Variants in COL6A1 observed in about 807,000 individuals in gnomAD.
COL6A1 encodes the protein collagen alpha-1(VI) chain.
A neutral mutation model predicts 145.6 loss-of-function variants in COL6A1; 80 were observed. The ratio of observed to expected loss-of-function variants is 0.55; its 90% CI spans 0.46 to 0.66. The LOEUF (loss-of-function observed/expected upper bound fraction) is 0.66. Among genes scored for constraint, COL6A1 ranks in the 30% least tolerant of loss-of-function variants. COL6A1 has a pLI of 0.00. For synonymous variants in COL6A1, 638 were observed against 622.8 expected, an observed-to-expected ratio of 1.02 and a Z score of -0.36; for missense variants, 1,364 against 1,473.8, an observed-to-expected ratio of 0.93 and a Z score of 1.22.
At chr21:45,997,179 G>A (rs546713446) in intron 20 of COL6A1, among the ~76,000 whole-genome samples, 2 of 129,326 alleles carry the variant, frequency 1.5e-5, no homozygotes, top group African/African-American at 2.7e-5. Flanking sequence ...TCACCCCTCC[G>A]TGGGGGCCTG....
intron 27 of COL6A1, 99 bp downstream of exon 27, chr21:45,999,791 A>T: frequency 1.5e-6 from 1 of 689,436 alleles, no homozygotes; most frequent in East Asian, 4.4e-5. Context: ...GACGCTGCTC[A>T]CGGGGGGGTG....
At chr21:45,987,752 C>A in intron 8 of COL6A1, 98 bp downstream of exon 8, 2 of 1,358,976 alleles carry the variant, frequency 1.5e-6, no homozygotes, top group Non-Finnish European at 2.0e-6. Context: ...CCATGAGGAT[C>A]CAGAGGGGAC....
Position 45,994,640 on chromosome 21 carries a change from T to A in COL6A1, c.1398+411T>A, listed in dbSNP as rs759461076. 3.1e-4 allele frequency among the ~76,000 whole-genome samples: 47 copies of A among 152,132 alleles called. No individual in the cohort carries two copies. Among genetic ancestry groups the A allele is most frequent in the Non-Finnish European group, 6.2e-4 (42 of 68,016 alleles). On this transcript the variant is annotated intron_variant, in intron 20 of 34. Coordinates refer to ENST00000361866, the MANE Select transcript of COL6A1 (RefSeq NM_001848.3). This position sits in a 1 kb window ranked among gnomAD's most constrained non-coding sequence, Gnocchi z 6.8. Reference sequence around the variant, plus strand: ...GGAGGTCAACTGGGGAGTGTGAGGCTATGGAGGTTTCCAGAATCCCAGGGT... The same window carrying A: ...GGAGGTCAACTGGGGAGTGTGAGGCAATGGAGGTTTCCAGAATCCCAGGGT...
chr21:45,997,241 TTCGTGCAGGC>T (rs2077810430), intron 20 of COL6A1, among the ~76,000 whole-genome samples, 170 bp from the exon 21 acceptor site: 1 of 65,666 alleles, frequency 1.5e-5, no homozygotes, highest in Non-Finnish European at 3.3e-5. Context: ...GCCCAGGCCC[TTCGTGCAGGC>T]CCTTCGTCAG....
chr21:45,990,679 T>A (rs1470428753), intron 13 of COL6A1, 94 bp from the exon 14 acceptor site: 16 of 1,123,880 alleles, frequency 1.4e-5, no homozygotes, highest in Non-Finnish European at 1.5e-5. Flanking sequence ...CCAGGGAGGG[T>A]GTGGAGGGCA....
At chr21:45,987,196 C>A (rs755567232) in intron 6 of COL6A1, 21 bp downstream of exon 6, 28 of 1,591,388 alleles carry the variant, frequency 1.8e-5, no homozygotes, top group Non-Finnish European at 2.4e-5. Flanking sequence ...TCCCCACCAC[C>A]CCCAGCCGTG....
At position 45,992,016 on chromosome 21, in the gene COL6A1, C is replaced by A; in HGVS notation, c.1126C>A (p.Pro376Thr). ...CTCCCCCGGTCTTCCCCAGGGCGAG[C>A]CTGGAGCTGACGGGGAGGCGGGGAG... ...AFGLKGEKGEPGADGEAGRPG... is the reference protein window; with the variant it reads ...AFGLKGEKGETGADGEAGRPG... Residue 376 changes from proline (P) to threonine (T), a missense_variant, in exon 16 of 35, where the codon CCT becomes ACT. Physicochemically the swap from Pro to Thr is conservative, Grantham distance 38. Around this residue, in one of 3 missense-constraint regions of COL6A1, gnomAD observed 938 missense variants for 1,003.8 expected, o/e 0.93. Coordinates refer to ENST00000361866, the MANE Select transcript of COL6A1 (RefSeq NM_001848.3). The A allele has an allele frequency of 6.3e-7, 1 of 1,594,980 alleles. No homozygotes were observed.
rs926126480 is a variant in COL6A1 at position 46,004,226 on chromosome 21, C to T, written c.*213C>T. On this transcript the variant is annotated 3_prime_UTR_variant, in exon 35 of 35. Transcript: ENST00000361866. ...GAGTTGGCATCACCTGCGCAGGGCCCTCTGGGGCTCAGCCCTGAGCTAGTG... is the reference window on the plus strand; with the variant it reads ...GAGTTGGCATCACCTGCGCAGGGCCTTCTGGGGCTCAGCCCTGAGCTAGTG... 7.8e-6 allele frequency: 5 copies of T among 641,580 alleles called. No individual in the cohort carries two copies. Among genetic ancestry groups the T allele is most frequent in the African/African-American group, 7.3e-5 (4 of 54,612 alleles). 39.7% of individuals were successfully genotyped at this position (641,580 alleles called of 1,614,324 possible).
chr21:45,998,021 C>T (rs1330631829), intron 22 of COL6A1, 100 bp from the exon 23 acceptor site: 18 of 1,457,378 alleles, frequency 1.2e-5, no homozygotes, highest in African/African-American at 4.2e-5. Context: ...TCTGGGCTGA[C>T]GGAGGGGCCC....
In COL6A1 at chr21:46,004,192, C is replaced by T. The variant is rs1378467940; in HGVS notation, c.*179C>T. On this transcript the variant is annotated 3_prime_UTR_variant, in exon 35 of 35. Coordinates refer to ENST00000361866, the MANE Select transcript of COL6A1 (RefSeq NM_001848.3). ...CTGCTTTGTGCAGGGTCCTCCGGGGCTCAGCCCTGAGTTGGCATCACCTGC... is the reference window on the plus strand; with the variant it reads ...CTGCTTTGTGCAGGGTCCTCCGGGGTTCAGCCCTGAGTTGGCATCACCTGC... The T allele has an allele frequency of 5.8e-6, 5 of 857,912 alleles. No homozygotes were observed. The East Asian group carries it at 1.3e-4, about 23-fold the overall frequency. The allele number at this position is 857,912 out of a possible 1,614,324, so 53.1% of individuals were successfully genotyped here.
chr21:45,986,896 C>A, intron 4 of COL6A1, 48 bp from the exon 5 acceptor site: 2 of 1,536,282 alleles, frequency 1.3e-6, no homozygotes, highest in Non-Finnish European at 1.7e-6. Context: ...CGGCCCCGGC[C>A]GTCAGGGGTC....
chr21:45,987,192 C>G lies in COL6A1; in HGVS notation c.738+17C>G. The stretch of plus-strand genomic sequence containing the variant: ...GAGCAAGTGGTAAGAGCCCTCCCCA[C>G]CACCCCCAGCCGTGAGTCTGCACAC... On this transcript the variant is annotated intron_variant, in intron 6 of 34. Coordinates refer to ENST00000361866, the MANE Select transcript of COL6A1 (RefSeq NM_001848.3). 1 of 1,591,320 alleles carries G rather than the reference C, an allele frequency of 6.3e-7. No homozygotes were observed. The highest frequency in any genetic ancestry group is 8.5e-7 in the Non-Finnish European group (1 of 1,175,880).
Position 46,001,138 on chromosome 21 carries a change from C to A in COL6A1, c.1823-115C>A, listed in dbSNP as rs1371489552. On this transcript the variant is annotated intron_variant, in intron 29 of 34. Coordinates refer to ENST00000361866, the MANE Select transcript of COL6A1 (RefSeq NM_001848.3). ...CTTTTCTGGGGCTGAGACGGGGGGACCCCAACGTGTCAGGTGAGGATGTGG... is the reference window on the plus strand; with the variant it reads ...CTTTTCTGGGGCTGAGACGGGGGGAACCCAACGTGTCAGGTGAGGATGTGG... The A allele has an allele frequency of 6.1e-5, 87 of 1,425,548 alleles. No homozygotes were observed. In the East Asian group the frequency reaches 2.0e-3, roughly 33 times the overall value. The allele number at this position is 1,425,548 out of a possible 1,614,324, so 88.3% of individuals were successfully genotyped here.
intron 20 of COL6A1, among the ~76,000 whole-genome samples, chr21:45,996,742 A>G (rs2077806939): frequency 6.6e-6 from 1 of 152,288 alleles, no homozygotes; most frequent in Admixed American, 6.5e-5. Context: ...TCCGAAGGGC[A>G]GGGACTCGCC....
chr21:45,997,804 C>A, intron 22 of COL6A1, 42 bp downstream of exon 22: 2 of 1,549,094 alleles, frequency 1.3e-6, no homozygotes, highest in East Asian at 4.8e-5. Flanking sequence ...GAGGCCTGGC[C>A]GCCAGAGGCC....
At chr21:45,991,622 C>A (rs1015342487) in intron 15 of COL6A1, among the ~76,000 whole-genome samples, 6 of 152,160 alleles carry the variant, frequency 3.9e-5, no homozygotes, top group African/African-American at 1.4e-4. Flanking sequence ...CTGACCCCAC[C>A]CCAAACATTC....
chr21:45,996,888 AG>A (rs920054640), intron 20 of COL6A1, among the ~76,000 whole-genome samples: 48 of 152,106 alleles, frequency 3.2e-4, no homozygotes, highest in African/African-American at 1.1e-3. Flanking sequence ...AGGTGGGGGC[AG>A]GGTGGTGTCC....
rs888949592 is a variant in COL6A1, at chr21:46,004,261, C to A, written c.*248C>A. 6.8e-6 allele frequency: 4 copies of A among 584,260 alleles called. No homozygotes were observed. The highest frequency in any genetic ancestry group is 1.2e-5 in the Non-Finnish European group (4 of 330,362). 36.2% of individuals were successfully genotyped at this position (584,260 alleles called of 1,614,324 possible). On this transcript the variant is annotated 3_prime_UTR_variant, in exon 35 of 35. Transcript: ENST00000361866. ...CAGCCCTGAGCTAGTGTCACCTGCA[C>A]AGGGCCCTCTGAGGCTCAGCCCTGA...
chr21:45,999,610 A>G, intron 26 of COL6A1, 47 bp from the exon 27 acceptor site: 1 of 1,606,806 alleles, frequency 6.2e-7, no homozygotes, highest in Non-Finnish European at 8.5e-7. Flanking sequence ...CAGGAAGCAC[A>G]GTGGGCTCCT....
Sources: allele counts gnomAD v4.1 joint callset (sites outside exome capture counted in the v4.1 genomes callset), GRCh38; gene constraint gnomAD v4.1.1; regional missense constraint gnomAD v4.1.1; non-coding constraint Gnocchi (gnomAD v3.1); transcripts MANE v1.5; gene names NCBI Gene and HGNC (gene_info 2026-07-23, HGNC 2026-07-21).